PRKCE: variants seen among roughly 807,000 people sequenced by gnomAD.
PRKCE encodes protein kinase C epsilon type.
PRKCE carries 16 observed loss-of-function variants against 85.4 expected under a neutral mutation model. The observed-to-expected ratio is 0.19, with a 90% CI of 0.13 to 0.28. The LOEUF (loss-of-function observed/expected upper bound fraction) is 0.28. Among genes scored for constraint, PRKCE ranks in the 10% least tolerant of loss-of-function variants. The pLI is 1.00. For missense variants in PRKCE, 573 were observed against 975.2 expected (o/e 0.59, Z 5.49); for synonymous variants, 388 against 371.5 (o/e 1.04, Z -0.51).
At chr2:45,761,209 C>T (rs922158215) in intron 1 of PRKCE, among the ~76,000 whole-genome samples, 2 of 151,256 alleles carry the variant, frequency 1.3e-5, no homozygotes, top group Admixed American at 1.3e-4. Flanking sequence ...CGCCTGTGGT[C>T]TCAGCTACTC....
intron 1 of PRKCE, among the ~76,000 whole-genome samples, chr2:45,671,514 CA>C: frequency 6.6e-6 from 1 of 152,154 alleles, no homozygotes. Context: ...AAAAGGCAAT[CA>C]AATGAATCAA....
intron 10 of PRKCE, 156 bp downstream of exon 10, chr2:46,010,673 T>C: frequency 1.3e-6 from 2 of 1,598,760 alleles, no homozygotes; most frequent in Non-Finnish European, 1.7e-6. Context: ...GAACAGCATC[T>C]TCTTTTTTAG....
chr2:45,885,524 A>G (rs1222047236), intron 2 of PRKCE, among the ~76,000 whole-genome samples: 2 of 152,194 alleles, frequency 1.3e-5, no homozygotes, highest in African/African-American at 4.8e-5. Flanking sequence ...CCTATACAAA[A>G]CAAGCCTGGA....
rs114307475 is a variant in PRKCE at position 46,001,863 on chromosome 2, A to G, written c.966+317A>G. 6.6e-6 allele frequency among the ~76,000 whole-genome samples: 1 copy of G among 152,250 alleles called. No individual in the cohort carries two copies. Among genetic ancestry groups the G allele is most frequent in the East Asian group, 1.9e-4 (1 of 5,198 alleles). ...CAACTCCATACAAGGAAATGGACTTATCTGCTTCCAGAACTGGCATGAAAG... is the reference window on the plus strand; with the variant it reads ...CAACTCCATACAAGGAAATGGACTTGTCTGCTTCCAGAACTGGCATGAAAG... On this transcript the variant is annotated intron_variant, in intron 7 of 14. Transcript: ENST00000306156. The surrounding 1 kb of genome is among the most constrained non-coding windows in gnomAD (Gnocchi z 4.4).
chr2:46,044,884 G>A (rs59490419), intron 10 of PRKCE, among the ~76,000 whole-genome samples: 2,669 of 152,262 alleles, frequency 0.018, 23 homozygotes, highest in Middle Eastern at 0.044. Context: ...CACAGGGAAG[G>A]CTTCACTCCA....
At chr2:46,123,583 G>C (rs1343718403) in intron 11 of PRKCE, among the ~76,000 whole-genome samples, 1 of 152,156 alleles carries the variant, frequency 6.6e-6, no homozygotes, top group Non-Finnish European at 1.5e-5. Flanking sequence ...CCGCTTCCCA[G>C]GTTCAAGCAA....
chr2:45,993,675 G>C (rs893087311), intron 6 of PRKCE, among the ~76,000 whole-genome samples: 1 of 151,976 alleles, frequency 6.6e-6, no homozygotes, highest in Non-Finnish European at 1.5e-5. Flanking sequence ...TCTCTTTTCC[G>C]TCACTTCACA....
At chr2:45,869,740 C>G (rs1392606604) in intron 2 of PRKCE, among the ~76,000 whole-genome samples, 1 of 126,892 alleles carries the variant, frequency 7.9e-6, no homozygotes, top group Admixed American at 1.0e-4. Context: ...TGGTGTCTCA[C>G]TCTGTCACCC....
At chr2:45,972,279 C>G (rs1157440404) in intron 2 of PRKCE, among the ~76,000 whole-genome samples, 1 of 152,154 alleles carries the variant, frequency 6.6e-6, no homozygotes, top group African/African-American at 2.4e-5. Flanking sequence ...AGAGAAAAGT[C>G]TACTCGGTTC....
chr2:46,059,659 C>A (rs950236058), intron 10 of PRKCE, among the ~76,000 whole-genome samples: 1 of 152,122 alleles, frequency 6.6e-6, no homozygotes, highest in African/African-American at 2.4e-5. Flanking sequence ...TCTCAACATT[C>A]TCAAAACCCA....
intron 10 of PRKCE, among the ~76,000 whole-genome samples, chr2:46,056,687 C>G (rs1666612806): frequency 6.6e-6 from 1 of 152,176 alleles, no homozygotes; most frequent in Non-Finnish European, 1.5e-5. Flanking sequence ...GGATACTAGT[C>G]AAGCCTAGAG....
intron 13 of PRKCE, among the ~76,000 whole-genome samples, chr2:46,154,822 A>G (rs1000623636): frequency 3.9e-4 from 57 of 145,874 alleles, no homozygotes; most frequent in African/African-American, 1.3e-3. Flanking sequence ...AGCAGTTTCC[A>G]CTTTCTAACC....
chr2:45,948,572 G>A (rs969949517), intron 2 of PRKCE, among the ~76,000 whole-genome samples: 11 of 152,166 alleles, frequency 7.2e-5, no homozygotes, highest in African/African-American at 2.4e-4. Context: ...CCAGGAGCTC[G>A]AGGCTGCAAT....
intron 2 of PRKCE, among the ~76,000 whole-genome samples, chr2:45,872,682 G>A (rs1214906392): frequency 6.6e-6 from 1 of 152,224 alleles, no homozygotes; most frequent in Non-Finnish European, 1.5e-5. Flanking sequence ...ATTGGAGATA[G>A]AGAAGTCAAG....
In PRKCE at chr2:46,086,289, C is replaced by G. The variant is rs773271544; in HGVS notation, c.1519C>G (p.Pro507Ala). The G allele has an allele frequency of 1.1e-5, 18 of 1,599,610 alleles. No homozygotes were observed. Among genetic ancestry groups the G allele is most frequent in the Admixed American group, 5.0e-5 (3 of 59,996 alleles). Reference protein sequence around the residue: ...QIQRSRKFDEPRSRFYAAEVT... With the variant: ...QIQRSRKFDEARSRFYAAEVT... ...TCAGCGCTCCCGAAAATTCGACGAG[C>G]CTCGTTCACGGTTCTATGCTGCAGA... Residue 507 changes from proline (P) to alanine (A), a missense_variant, in exon 11 of 15, where the codon CCT (proline) becomes GCT (alanine). By Grantham distance (27) the Pro-to-Ala change is conservative. This residue lies in a region of PRKCE where 89 missense variants were observed against 154.1 expected (regional missense o/e 0.58). Transcript: ENST00000306156.
chr2:45,709,420 T>C (rs1679413903), intron 1 of PRKCE, among the ~76,000 whole-genome samples: 2 of 152,248 alleles, frequency 1.3e-5, no homozygotes, highest in African/African-American at 4.8e-5. Flanking sequence ...TATTTGACCT[T>C]GGACAAGGCC....
At chr2:45,927,939 G>C (rs1698755946) in intron 2 of PRKCE, among the ~76,000 whole-genome samples, 1 of 152,236 alleles carries the variant, frequency 6.6e-6, no homozygotes, top group South Asian at 2.1e-4. Context: ...GAGAGGGTGG[G>C]GGGGCCTGGG....
chr2:45,698,367 G>C (rs764766603), intron 1 of PRKCE, among the ~76,000 whole-genome samples: 1 of 152,120 alleles, frequency 6.6e-6, no homozygotes, highest in Non-Finnish European at 1.5e-5. Context: ...TTTCCAGTTG[G>C]GGGTGAAAGT....
intron 11 of PRKCE, among the ~76,000 whole-genome samples, chr2:46,109,807 C>T (rs1398163687): frequency 6.6e-6 from 1 of 152,074 alleles, no homozygotes; most frequent in South Asian, 2.1e-4. Context: ...TCCAGCTACT[C>T]ACCATTAAGT....
Sources: allele counts gnomAD v4.1 joint callset (sites outside exome capture counted in the v4.1 genomes callset), GRCh38; gene constraint gnomAD v4.1.1; regional missense constraint gnomAD v4.1.1; non-coding constraint Gnocchi (gnomAD v3.1); transcripts MANE v1.5; gene names NCBI Gene and HGNC (gene_info 2026-07-23, HGNC 2026-07-21).